The following RNF150 variants were observed in gnomAD, a reference collection of about 807,000 sequenced individuals.
The protein encoded by RNF150 is ring finger protein 150.
Under a neutral mutation model 39.3 loss-of-function variants are expected in RNF150, and 24 were observed. That is an observed-to-expected ratio of 0.61 (90% confidence interval 0.44 to 0.86). The LOEUF is 0.86. RNF150 is among the 40% of genes least tolerant of loss of function. The pLI is 0.00. For synonymous variants in RNF150, 255 were observed against 227.3 expected, an observed-to-expected ratio of 1.12 and a Z score of -1.10; for missense variants, 502 against 587.8, an observed-to-expected ratio of 0.85 and a Z score of 1.51.
chr4:140,878,164 G>GTTTTT (rs58338048), intron 6 of RNF150, among the ~76,000 whole-genome samples: 52 of 90,492 alleles, frequency 5.7e-4, no homozygotes, highest in African/African-American at 1.5e-3. Context: ...ATCTCATTGT[G>GTTTTT]TTTTTTTTTT....
At chr4:141,143,004 G>A (rs1449388973) in intron 1 of RNF150, among the ~76,000 whole-genome samples, 1 of 151,876 alleles carries the variant, frequency 6.6e-6, no homozygotes, top group East Asian at 1.9e-4. Context: ...TGAGTAGCTG[G>A]GACTACAGGC....
At chr4:140,977,442 C>T (rs921036057) in intron 1 of RNF150, among the ~76,000 whole-genome samples, 2 of 152,086 alleles carry the variant, frequency 1.3e-5, no homozygotes, top group African/African-American at 4.8e-5. Context: ...GACGAAAATT[C>T]CAAGAAGAGA....
chr4:140,880,478 T>C (rs1729330297), intron 6 of RNF150, among the ~76,000 whole-genome samples: 1 of 152,098 alleles, frequency 6.6e-6, no homozygotes, highest in Admixed American at 6.5e-5. Context: ...GTAGTATCTT[T>C]GTCTGGATTT....
chr4:140,945,603 C>CT (rs1732271589), intron 4 of RNF150, among the ~76,000 whole-genome samples: 1 of 36,310 alleles, frequency 2.8e-5, no homozygotes, highest in Non-Finnish European at 9.9e-5. Context: ...TACATATATA[C>CT]ATATATATAC....
At chr4:140,908,499 C>CTTA (rs747157462) in intron 6 of RNF150, among the ~76,000 whole-genome samples, 1 of 152,180 alleles carries the variant, frequency 6.6e-6, no homozygotes, top group Admixed American at 6.5e-5. Context: ...TCATATCACT[C>CTTA]TTATTTCTTT....
chr4:141,019,335 T>C (rs1735398971), intron 1 of RNF150, among the ~76,000 whole-genome samples: 1 of 152,086 alleles, frequency 6.6e-6, no homozygotes. Flanking sequence ...GATACCTTTC[T>C]AATTCTATGG....
chr4:140,865,535 G>A lies in RNF150; in HGVS notation c.*2726C>T, dbSNP rs1282645314. ...TTTCTTCTGAAAGAGAAACTTTCTG[G>A]TTAAGCTTTTTTTTTTTCTTTTTTT... On this transcript the variant is annotated 3_prime_UTR_variant, in exon 7 of 7. Coordinates refer to ENST00000515673, the MANE Select transcript of RNF150 (RefSeq NM_020724.2). The A allele has an allele frequency of 6.7e-6, 1 of 149,092 alleles. No homozygotes were observed. Among genetic ancestry groups the A allele is most frequent in the Non-Finnish European group, 1.5e-5 (1 of 67,226 alleles). The allele number at this position is 149,092 out of a possible 1,614,324, so 9.2% of individuals were successfully genotyped here. A position where few individuals can be genotyped will look rare whatever the true frequency, so the allele number is the denominator to read the frequency against.
chr4:140,978,464 C>T (rs755028258), intron 1 of RNF150, among the ~76,000 whole-genome samples: 2 of 152,138 alleles, frequency 1.3e-5, no homozygotes, highest in Non-Finnish European at 2.9e-5. Context: ...ATCAATGACT[C>T]ATACTTTTTT....
chr4:141,021,991 C>T (rs767706854), intron 1 of RNF150, among the ~76,000 whole-genome samples: 1 of 152,200 alleles, frequency 6.6e-6, no homozygotes, highest in Non-Finnish European at 1.5e-5. Context: ...ATCAGCACTG[C>T]AACTCATGCT....
rs1560679361 is a variant in RNF150 at position 141,000,056 on chromosome 4, GAA to G, written c.485-32185_485-32184del. Among the ~76,000 whole-genome samples, 15 of 102,366 alleles carry G rather than the reference GAA, an allele frequency of 1.5e-4. 2 individuals carry two copies. The highest frequency in any genetic ancestry group is 5.6e-4 in the African/African-American group (15 of 26,844). The allele number at this position is 102,366 out of a possible 152,430, so 67.2% of individuals were successfully genotyped here. A position where few individuals can be genotyped will look rare whatever the true frequency, so the allele number is the denominator to read the frequency against. ...AGAAGAAGAAGAAGAAGAAGAAGAA[GAA>G]GAAGAAGAAGAAGAAGAAGAAGAAG... On this transcript the variant is annotated intron_variant, in intron 1 of 6. Coordinates refer to ENST00000515673, the MANE Select transcript of RNF150 (RefSeq NM_020724.2).
intron 6 of RNF150, among the ~76,000 whole-genome samples, chr4:140,896,697 A>AAAC (rs1729960673): frequency 2.4e-5 from 2 of 82,434 alleles, no homozygotes; most frequent in South Asian, 4.2e-4. Context: ...TAAAAAAAAA[A>AAAC]AAACAAAAAA....
At chr4:141,143,339 G>A (rs891776449) in intron 1 of RNF150, among the ~76,000 whole-genome samples, 261 of 152,214 alleles carry the variant, frequency 1.7e-3, no homozygotes, top group Non-Finnish European at 6.3e-4. Flanking sequence ...ACAGTAAATG[G>A]CAATGCTACC....
intron 1 of RNF150, among the ~76,000 whole-genome samples, chr4:141,038,366 G>A (rs1736226564): frequency 6.6e-6 from 1 of 152,262 alleles, no homozygotes; most frequent in South Asian, 2.1e-4. Context: ...AGAGTTGACA[G>A]CTTCTTCTGG....
intron 1 of RNF150, among the ~76,000 whole-genome samples, chr4:141,170,633 C>G (rs1326002021): frequency 6.6e-6 from 1 of 152,080 alleles, no homozygotes. Flanking sequence ...TCATAACTTT[C>G]ATTTCGACCT....
At chr4:141,097,070 T>G (rs142188078) in intron 1 of RNF150, among the ~76,000 whole-genome samples, 1 of 152,336 alleles carries the variant, frequency 6.6e-6, no homozygotes, top group Non-Finnish European at 1.5e-5. Flanking sequence ...AACACTGTCT[T>G]CATGTGGTTT....
intron 1 of RNF150, among the ~76,000 whole-genome samples, chr4:141,172,179 T>C (rs958062551): frequency 2.6e-5 from 4 of 152,034 alleles, no homozygotes; most frequent in African/African-American, 7.3e-5. Flanking sequence ...TCGGTGGCTC[T>C]GCTCAGTGTA....
chr4:141,180,582 T>C (rs1342098634), intron 1 of RNF150, among the ~76,000 whole-genome samples: 1 of 152,134 alleles, frequency 6.6e-6, no homozygotes, highest in African/African-American at 2.4e-5. Flanking sequence ...TATTATAGCA[T>C]CAAAACTGCA....
chr4:140,933,172 T>C (rs1731716927), intron 4 of RNF150, among the ~76,000 whole-genome samples: 1 of 152,130 alleles, frequency 6.6e-6, no homozygotes, highest in South Asian at 2.1e-4. Context: ...TAAATACAAA[T>C]AAAACTGCTA....
intron 4 of RNF150, among the ~76,000 whole-genome samples, chr4:140,945,859 A>C (rs568359794): frequency 6.6e-6 from 1 of 152,154 alleles, no homozygotes; most frequent in African/African-American, 2.4e-5. Flanking sequence ...AGGGCTCTAA[A>C]TAATCTTCAA....
Sources: allele counts gnomAD v4.1 joint callset (sites outside exome capture counted in the v4.1 genomes callset), GRCh38; gene constraint gnomAD v4.1.1; transcripts MANE v1.5; gene names NCBI Gene and HGNC (gene_info 2026-07-23, HGNC 2026-07-21).